The following CSMD1 variants were observed in gnomAD, a reference collection of about 807,000 sequenced individuals.
CSMD1 encodes the protein CUB and Sushi multiple domains 1.
A neutral mutation model predicts 417.5 loss-of-function variants in CSMD1; 213 were observed. The observed-to-expected ratio is 0.51, with a 90% CI of 0.46 to 0.57. The LOEUF is 0.57. Among genes scored for constraint, CSMD1 ranks in the 20% least tolerant of loss-of-function variants. The pLI, the probability that CSMD1 is intolerant of heterozygous loss-of-function variation, is 0.00. For missense variants in CSMD1, 6,923 were observed against 4,529.7 expected, an observed-to-expected ratio of 1.53 and a Z score of -15.17; for synonymous variants, 2,862 against 1,736.8, an observed-to-expected ratio of 1.65 and a Z score of -16.11.
At chr8:4,505,861 C>T (rs894163145) in intron 2 of CSMD1, among the ~76,000 whole-genome samples, 4 of 151,602 alleles carry the variant, frequency 2.6e-5, no homozygotes, top group East Asian at 1.9e-4. Context: ...AGTACAGTGG[C>T]GCGATCTCAT....
At chr8:4,671,168 T>C (rs1186194455) in intron 1 of CSMD1, among the ~76,000 whole-genome samples, 1 of 152,236 alleles carries the variant, frequency 6.6e-6, no homozygotes, top group Non-Finnish European at 1.5e-5. Context: ...TATGTACCTA[T>C]GATGCTTAGT....
chr8:4,130,113 T>C (rs375642214), intron 3 of CSMD1, among the ~76,000 whole-genome samples: 2 of 152,140 alleles, frequency 1.3e-5, no homozygotes, highest in African/African-American at 4.8e-5. Flanking sequence ...TCCATCACCA[T>C]GGAGTCACTG....
At chr8:3,791,951 T>G in intron 5 of CSMD1, among the ~76,000 whole-genome samples, 1 of 152,316 alleles carries the variant, frequency 6.6e-6, no homozygotes, top group East Asian at 1.9e-4. Flanking sequence ...CCTAATAGCT[T>G]ATTATCCTTC....
chr8:3,971,098 G>A (rs977147007), intron 5 of CSMD1, among the ~76,000 whole-genome samples: 4 of 152,168 alleles, frequency 2.6e-5, no homozygotes, highest in Admixed American at 6.5e-5. Context: ...TGATGACATA[G>A]AACCATGTGA....
intron 18 of CSMD1, among the ~76,000 whole-genome samples, chr8:3,371,814 T>C (rs1809970874): frequency 5.3e-5 from 8 of 152,206 alleles, no homozygotes. Flanking sequence ...CTAGAATATT[T>C]TAAGAATTTC....
chr8:3,671,106 T>C (rs1458048025), intron 7 of CSMD1, among the ~76,000 whole-genome samples: 1 of 146,614 alleles, frequency 6.8e-6, no homozygotes, highest in Non-Finnish European at 1.5e-5. Flanking sequence ...ATGTATGGGA[T>C]ATATATGTAT....
chr8:3,715,787 C>T (rs1205280763), intron 6 of CSMD1, among the ~76,000 whole-genome samples: 2 of 152,166 alleles, frequency 1.3e-5, no homozygotes, highest in Non-Finnish European at 1.5e-5. Context: ...ATGTGATCCT[C>T]CCGCCCTGGC....
rs765989561 is a variant in CSMD1, at chr8:2,998,047, T to C, written c.8341A>G (p.Asn2781Asp). The change falls in exon 54 of 70, where the codon AAC (asparagine) becomes GAC (aspartate). Residue 2781 changes from asparagine (N) to aspartate (D), a missense_variant. Physicochemically the swap from Asn to Asp is conservative, Grantham distance 23 (BLOSUM62 1). Coordinates refer to ENST00000635120, the MANE Select transcript of CSMD1 (RefSeq NM_033225.6). ...QGVSRAQCRS[N>D]GQWSSPLPTC... ...GGCAGAGGGCTACTCCACTGGCCGT[T>C]GCTCCGACACTGGGCTCGAGACACG... 6 of 1,613,992 alleles carry C rather than the reference T, an allele frequency of 3.7e-6. No individual in the cohort carries two copies. The South Asian group carries it at 6.6e-5, about 18-fold the overall frequency.
intron 3 of CSMD1, among the ~76,000 whole-genome samples, chr8:4,039,279 C>G (rs1001105882): frequency 1.3e-5 from 2 of 152,232 alleles, no homozygotes; most frequent in Non-Finnish European, 2.9e-5. Context: ...ACTCCAAATT[C>G]CTTCATGATG....
chr8:4,404,865 CTTCCATGCACTTCACATTTAT>C (rs1804901045), intron 3 of CSMD1, among the ~76,000 whole-genome samples: 1 of 152,190 alleles, frequency 6.6e-6, no homozygotes, highest in Admixed American at 6.5e-5. Context: ...ACCAGCCACA[CTTCCATGCACTTCACATTTAT>C]TTCGCTCATT....
chr8:4,343,134 C>G (rs1056618525), intron 3 of CSMD1, among the ~76,000 whole-genome samples: 2 of 152,060 alleles, frequency 1.3e-5, no homozygotes, highest in African/African-American at 4.8e-5. Context: ...AACATAAAAA[C>G]AGATGCCACA....
At position 3,231,102 on chromosome 8, in the gene CSMD1, AT is replaced by A. The variant is rs1414281806; in HGVS notation, c.4154-872del. On this transcript the variant is annotated intron_variant, in intron 26 of 69. Transcript: ENST00000635120. ...GCAAGCCCAGAGTTTTCACCAGAGT[AT>A]CCCCCATCACTCTAAAATACAGCAG... Among the ~76,000 whole-genome samples, 11 of 152,304 alleles carry A rather than the reference AT, an allele frequency of 7.2e-5. No homozygotes were observed. The East Asian group carries it at 2.1e-3, about 29-fold the overall frequency.
intron 2 of CSMD1, among the ~76,000 whole-genome samples, chr8:4,438,693 C>G (rs189734176): frequency 6.6e-6 from 1 of 152,184 alleles, no homozygotes; most frequent in East Asian, 1.9e-4. Flanking sequence ...CAAACTCTTG[C>G]GGCCTTCATA....
chr8:4,156,710 A>G (rs1389226874), intron 3 of CSMD1, among the ~76,000 whole-genome samples: 1 of 152,158 alleles, frequency 6.6e-6, no homozygotes, highest in East Asian at 1.9e-4. Flanking sequence ...AGAAGAGACT[A>G]TGTGCAGTTT....
intron 3 of CSMD1, among the ~76,000 whole-genome samples, chr8:4,085,412 T>A (rs770027778): frequency 6.6e-6 from 1 of 152,178 alleles, no homozygotes; most frequent in Non-Finnish European, 1.5e-5. Flanking sequence ...ATATTTTACA[T>A]TGTGGTGATT....
At chr8:4,167,192 G>A (rs188555283) in intron 3 of CSMD1, among the ~76,000 whole-genome samples, 1 of 152,098 alleles carries the variant, frequency 6.6e-6, no homozygotes, top group Non-Finnish European at 1.5e-5. Context: ...ATTTTTTCCA[G>A]AGGGCCTGTA....
chr8:3,853,331 T>A (rs1334332052), intron 5 of CSMD1, among the ~76,000 whole-genome samples: 2 of 152,210 alleles, frequency 1.3e-5, no homozygotes, highest in African/African-American at 4.8e-5. Flanking sequence ...ACTTATTATT[T>A]CATAACATGC....
chr8:3,061,091 G>T (rs1812561363), intron 49 of CSMD1, among the ~76,000 whole-genome samples: 1 of 152,164 alleles, frequency 6.6e-6, no homozygotes, highest in African/African-American at 2.4e-5. Context: ...ATGCTTGAAA[G>T]AACATAGATT....
chr8:3,444,531 T>G (rs988568450), intron 12 of CSMD1, among the ~76,000 whole-genome samples: 1 of 152,158 alleles, frequency 6.6e-6, no homozygotes, highest in Non-Finnish European at 1.5e-5. Context: ...TGGCAATGTC[T>G]GGAGGCATTG....
Sources: gnomAD v4.1 joint callset for allele counts (sites outside exome capture counted in the v4.1 genomes callset) on GRCh38, gnomAD v4.1.1 for gene constraint, MANE v1.5 for transcripts, NCBI Gene and HGNC (gene_info 2026-07-23, HGNC 2026-07-21) for gene names.